The following CUL1 variants were observed in gnomAD, a reference collection of about 807,000 sequenced individuals.
CUL1 encodes cullin-1.
Under a neutral mutation model 118.0 loss-of-function variants are expected in CUL1, and 24 were observed. That is an observed-to-expected ratio of 0.20 (90% CI 0.15 to 0.29). The LOEUF is 0.29. Among genes scored for constraint, CUL1 ranks in the 10% least tolerant of loss-of-function variants. The pLI, the probability that CUL1 is intolerant of heterozygous loss-of-function variation, is 1.00. For missense variants in CUL1, 361 were observed against 933.8 expected (o/e 0.39, Z 7.99); for synonymous variants, 332 against 340.4 (o/e 0.98, Z 0.27).
chr7:148,791,421 C>T (rs561578680), intron 16 of CUL1, among the ~76,000 whole-genome samples: 1 of 152,184 alleles, frequency 6.6e-6, no homozygotes, highest in African/African-American at 2.4e-5. Context: ...TATGCTGGCT[C>T]CAGAGGTCTT....
intron 19 of CUL1, 125 bp from the exon 20 acceptor site, chr7:148,798,447 G>C: frequency 1.5e-6 from 1 of 679,716 alleles, no homozygotes; most frequent in Non-Finnish European, 2.6e-6. Context: ...AGAGCTCACA[G>C]AAATCAACAT....
chr7:148,766,706 A>T lies in CUL1; in HGVS notation c.935A>T (p.Asp312Val). 1.9e-6 allele frequency: 3 copies of T among 1,611,888 alleles called. No individual in the cohort carries two copies. Among genetic ancestry groups the T allele is most frequent in the Non-Finnish European group, 2.5e-6 (3 of 1,179,424 alleles). ...CACACAGAATTTCAGAATTTATTGG[A>T]TGCTGACAAAAATGAAGGTGAGCCA... ...IFHTEFQNLL[D>V]ADKNEDLGRM... Residue 312 changes from aspartate (D) to valine (V), a missense_variant, in exon 8 of 22, where the codon GAT becomes GTT. Asp to Val is a radical substitution (Grantham distance 152, BLOSUM62 -3). Transcript: ENST00000325222.
At chr7:148,757,691 G>C (rs980281313) in intron 4 of CUL1, among the ~76,000 whole-genome samples, 1 of 152,200 alleles carries the variant, frequency 6.6e-6, no homozygotes, top group Non-Finnish European at 1.5e-5. Flanking sequence ...TCATACTGCT[G>C]ATAAAGACCT....
At chr7:148,789,931 C>A in intron 15 of CUL1, 105 bp downstream of exon 15, 2 of 1,036,808 alleles carry the variant, frequency 1.9e-6, no homozygotes, top group Non-Finnish European at 3.0e-6. Context: ...TTCCTGCTGG[C>A]TGGCTGCATC....
chr7:148,755,606 G>T (rs1431515839), intron 3 of CUL1, among the ~76,000 whole-genome samples: 2 of 152,086 alleles, frequency 1.3e-5, no homozygotes, highest in African/African-American at 2.4e-5. Flanking sequence ...AGTGAATGTT[G>T]TAATTAATTA....
intron 2 of CUL1, among the ~76,000 whole-genome samples, chr7:148,739,453 C>T (rs1331027661): frequency 1.3e-5 from 2 of 152,162 alleles, no homozygotes; most frequent in African/African-American, 2.4e-5. Flanking sequence ...TGCCCTAAAC[C>T]GGGGGCACCT....
At chr7:148,794,791 T>C (rs1452134636) in intron 17 of CUL1, among the ~76,000 whole-genome samples, 3 of 152,236 alleles carry the variant, frequency 2.0e-5, no homozygotes, top group African/African-American at 4.8e-5. Flanking sequence ...TTTCAATTTA[T>C]TCCTAGTTTA....
chr7:148,756,810 A>G (rs1156409075), intron 3 of CUL1, among the ~76,000 whole-genome samples, 173 bp from the exon 4 acceptor site: 1 of 152,192 alleles, frequency 6.6e-6, no homozygotes, highest in African/African-American at 2.4e-5. Flanking sequence ...ATTTTACTAT[A>G]TTCTTGTGAG....
intron 1 of CUL1, among the ~76,000 whole-genome samples, chr7:148,709,711 T>C (rs1298950546): frequency 2.6e-5 from 4 of 152,202 alleles, no homozygotes; most frequent in Non-Finnish European, 5.9e-5. Context: ...AAGACTATGG[T>C]ATTGTCCCAG....
At chr7:148,751,986 TG>T (rs1245524324) in intron 2 of CUL1, among the ~76,000 whole-genome samples, 2 of 151,988 alleles carry the variant, frequency 1.3e-5, no homozygotes, top group Admixed American at 1.3e-4. Flanking sequence ...TGGTGGCGCC[TG>T]CCTGTAACCA....
Position 148,782,479 on chromosome 7 carries a change from T to C in CUL1, c.1084-1304T>C, listed in dbSNP as rs546534516. ...TTAAAATATTAAATATCTGCAATAC[T>C]GCCTTTCAATATTAAGTGATTTTTA... On this transcript the variant is annotated intron_variant, in intron 9 of 21. Coordinates refer to ENST00000325222, the MANE Select transcript of CUL1 (RefSeq NM_003592.3). Among the ~76,000 whole-genome samples the C allele has an allele frequency of 2.6e-5, 4 of 152,374 alleles. No individual in the cohort carries two copies. In the East Asian group the frequency reaches 5.8e-4, roughly 22 times the overall value.
intron 9 of CUL1, among the ~76,000 whole-genome samples, chr7:148,778,587 C>T (rs1800503696): frequency 1.3e-5 from 2 of 152,186 alleles, no homozygotes; most frequent in South Asian, 4.2e-4. Flanking sequence ...GTTTTTGTTA[C>T]TTAGTGGGGC....
intron 1 of CUL1, among the ~76,000 whole-genome samples, chr7:148,704,505 A>T (rs1797823028): frequency 6.6e-6 from 1 of 152,220 alleles, no homozygotes; most frequent in Admixed American, 6.5e-5. Flanking sequence ...CTACTAGATT[A>T]ATATTCTGTC....
chr7:148,781,344 G>A (rs1800626369), intron 9 of CUL1, among the ~76,000 whole-genome samples: 1 of 152,078 alleles, frequency 6.6e-6, no homozygotes, highest in African/African-American at 2.4e-5. Context: ...GCCTCCCAAA[G>A]TTCTGGGATT....
chr7:148,759,817 A>G (rs1271791810), intron 6 of CUL1, among the ~76,000 whole-genome samples, 179 bp downstream of exon 6: 1 of 151,986 alleles, frequency 6.6e-6, no homozygotes, highest in Non-Finnish European at 1.5e-5. Flanking sequence ...ATCCATCATA[A>G]AAGCTGTTTG....
At chr7:148,714,323 G>A (rs1325356948) in intron 1 of CUL1, among the ~76,000 whole-genome samples, 1 of 152,124 alleles carries the variant, frequency 6.6e-6, no homozygotes, top group African/African-American at 2.4e-5. Flanking sequence ...CTTTTAAGAT[G>A]TACTATAAGC....
At chr7:148,717,679 A>C (rs1025597337) in intron 1 of CUL1, among the ~76,000 whole-genome samples, 7 of 151,186 alleles carry the variant, frequency 4.6e-5, no homozygotes, top group African/African-American at 7.3e-5. Context: ...GACTTGCCCA[A>C]ATCCTTCACC....
At chr7:148,699,609 G>C (rs1181227879) in intron 1 of CUL1, among the ~76,000 whole-genome samples, 3 of 152,186 alleles carry the variant, frequency 2.0e-5, no homozygotes, top group Non-Finnish European at 4.4e-5. Context: ...CCTGCCCGCG[G>C]CTCTCGGGTT....
intron 1 of CUL1, among the ~76,000 whole-genome samples, chr7:148,707,613 A>T (rs1797928296): frequency 6.6e-6 from 1 of 152,068 alleles, no homozygotes; most frequent in South Asian, 2.1e-4. Flanking sequence ...AGCCCTGCAT[A>T]CATTAGCTGT....
Sources: allele counts gnomAD v4.1 joint callset (sites outside exome capture counted in the v4.1 genomes callset), GRCh38; gene constraint gnomAD v4.1.1; transcripts MANE v1.5; gene names NCBI Gene and HGNC (gene_info 2026-07-23, HGNC 2026-07-21).